The following SLC38A9 variants were observed in gnomAD, a reference collection of about 807,000 sequenced individuals.
The protein encoded by SLC38A9 is solute carrier family 38 member 9.
In SLC38A9, 48 loss-of-function variants were observed where a neutral mutation model predicts 62.3. The ratio of observed to expected loss-of-function variants is 0.77; its 90% CI spans 0.61 to 0.98. SLC38A9 has a LOEUF of 0.98. Ranked by LOEUF, SLC38A9 falls within the 50% of genes least tolerant of loss-of-function variation. The pLI is 0.00. For missense variants in SLC38A9, 541 were observed against 679.8 expected, an observed-to-expected ratio of 0.80 and a Z score of 2.27; for synonymous variants, 204 against 227.7, an observed-to-expected ratio of 0.90 and a Z score of 0.94.
chr5:55,669,287 A>G lies in SLC38A9; in HGVS notation c.467T>C (p.Leu156Pro). The stretch of plus-strand genomic sequence containing the variant: ...GCAATAAAGTGTTAAAAGGCCCATC[A>G]GTATGATGACACACATTCCAGTAGT... ...GFTTGMCVII[L>P]MGLLTLYCCY... The change falls in exon 7 of 16, where the codon CTG (leucine) becomes CCG (proline). Residue 156 changes from leucine to proline, a missense_variant. Physicochemically the swap from Leu to Pro is moderately conservative, Grantham distance 98. Coordinates refer to ENST00000396865, the MANE Select transcript of SLC38A9 (RefSeq NM_173514.4). The G allele has an allele frequency of 6.2e-7, 1 of 1,613,450 alleles. No individual in the cohort carries two copies. The highest frequency in any genetic ancestry group is 2.2e-5 in the East Asian group (1 of 44,774).
At chr5:55,634,030 A>C (rs756063103) in intron 13 of SLC38A9, 128 bp from the exon 14 acceptor site, 12 of 575,124 alleles carry the variant, frequency 2.1e-5, no homozygotes, top group Non-Finnish European at 3.5e-5. Context: ...ACTAGTGCCC[A>C]TCCACAACTA....
intron 3 of SLC38A9, chr5:55,675,104 T>C (rs1751894882): frequency 2.0e-5 from 3 of 152,232 alleles, no homozygotes; most frequent in African/African-American, 4.8e-5. Flanking sequence ...GAGATGTAGA[T>C]GTTCTACTGC....
chr5:55,640,374 A>G (rs1057298739), intron 12 of SLC38A9, among the ~76,000 whole-genome samples: 13 of 152,170 alleles, frequency 8.5e-5, no homozygotes, highest in African/African-American at 9.7e-5. Context: ...TGAACCTAAC[A>G]TAATAGTTCT....
Position 55,626,508 on chromosome 5 carries a change from GAACA to G in SLC38A9, c.1668_1671del (p.Val557SerfsTer19). 2 of 1,609,358 alleles carry G rather than the reference GAACA, an allele frequency of 1.2e-6. No individual in the cohort carries two copies. The highest frequency in any genetic ancestry group is 2.2e-5 in the East Asian group (1 of 44,794). On this transcript the variant is annotated frameshift_variant, in exon 16 of 16. Coordinates refer to ENST00000396865, the MANE Select transcript of SLC38A9 (RefSeq NM_173514.4). LOFTEE classifies it high-confidence loss of function. ...GTTGAGGTATTTCACATAAAAAACTGAACAATCAGGTTAGCCACGCCCAAAATGA... is the reference window on the plus strand; with the variant it reads ...GTTGAGGTATTTCACATAAAAAACTGATCAGGTTAGCCACGCCCAAAATGA...
At chr5:55,637,115 G>GAGTGGCCTTGTAAA (rs2150071610) in intron 12 of SLC38A9, among the ~76,000 whole-genome samples, 1 of 152,312 alleles carries the variant, frequency 6.6e-6, no homozygotes, top group South Asian at 2.1e-4. Context: ...CTCAAGAACA[G>GAGTGGCCTTGTAAA]AGGTAGCCTT....
At chr5:55,665,026 G>T in intron 7 of SLC38A9, 163 bp from the exon 8 acceptor site, 1 of 371,328 alleles carries the variant, frequency 2.7e-6, no homozygotes, top group Non-Finnish European at 4.8e-6. Context: ...AAACATTATA[G>T]AAAAATAAAA....
chr5:55,667,386 T>G (rs1377814327), intron 7 of SLC38A9, among the ~76,000 whole-genome samples: 1 of 152,232 alleles, frequency 6.6e-6, no homozygotes, highest in Non-Finnish European at 1.5e-5. Context: ...TATTTTTAAG[T>G]AGTGCTTTTC....
At chr5:55,682,698 C>T (rs1753199815) in intron 3 of SLC38A9, among the ~76,000 whole-genome samples, 1 of 152,096 alleles carries the variant, frequency 6.6e-6, no homozygotes, top group African/African-American at 2.4e-5. Flanking sequence ...CTGCTTGAGC[C>T]CAGGAGTTCA....
At chr5:55,655,182 C>T (rs911119262) in intron 9 of SLC38A9, among the ~76,000 whole-genome samples, 10 of 152,128 alleles carry the variant, frequency 6.6e-5, no homozygotes, top group East Asian at 5.8e-4. Context: ...GTTTCATACT[C>T]TCATTGTTTA....
chr5:55,648,622 C>A (rs986490787), intron 11 of SLC38A9, among the ~76,000 whole-genome samples: 17 of 151,952 alleles, frequency 1.1e-4, no homozygotes, highest in Non-Finnish European at 1.8e-4. Flanking sequence ...ATGAAAAAAA[C>A]AGACAGTTAA....
chr5:55,626,736 T>C, intron 15 of SLC38A9, 77 bp from the exon 16 acceptor site: 1 of 1,322,848 alleles, frequency 7.6e-7, no homozygotes. Flanking sequence ...ATAGTACAAT[T>C]TAAATCCTCC....
At chr5:55,662,651 A>G (rs1409529186) in intron 8 of SLC38A9, among the ~76,000 whole-genome samples, 1 of 149,698 alleles carries the variant, frequency 6.7e-6, no homozygotes, top group Non-Finnish European at 1.5e-5. Flanking sequence ...GCCTGGTGAC[A>G]GAGCAAGACT....
intron 2 of SLC38A9, among the ~76,000 whole-genome samples, chr5:55,706,812 C>T (rs921044652): frequency 6.6e-6 from 1 of 152,094 alleles, no homozygotes; most frequent in African/African-American, 2.4e-5. Flanking sequence ...TTTCCCCACA[C>T]AGAGCCAAGG....
rs545566731 is a variant in SLC38A9 at position 55,669,339 on chromosome 5, T to C, written c.433-18A>G. 61 of 1,581,596 alleles carry C rather than the reference T, an allele frequency of 3.9e-5. No homozygotes were observed. In the South Asian group the frequency reaches 6.8e-4, roughly 18 times the overall value. ...AATCCAGCCTGTTTAAAAATAAAAGTATAAAACAGCATATATCATCATGTA... is the reference window on the plus strand; with the variant it reads ...AATCCAGCCTGTTTAAAAATAAAAGCATAAAACAGCATATATCATCATGTA... On this transcript the variant is annotated intron_variant, in intron 6 of 15. Coordinates refer to ENST00000396865, the MANE Select transcript of SLC38A9 (RefSeq NM_173514.4).
In SLC38A9 at chr5:55,685,310, TC is replaced by T. The variant is rs531135042; in HGVS notation, c.113+12535del. 2.0e-5 allele frequency among the ~76,000 whole-genome samples: 3 copies of T among 152,340 alleles called. No homozygotes were observed. In the East Asian group the frequency reaches 5.8e-4, roughly 29 times the overall value. ...GGAAACCATTAATCTACTTTCTGTT[TC>T]TATGGCTTTACCGAATCTAGAAAGT... On this transcript the variant is annotated intron_variant, in intron 3 of 15. Coordinates refer to ENST00000396865, the MANE Select transcript of SLC38A9 (RefSeq NM_173514.4).
intron 3 of SLC38A9, among the ~76,000 whole-genome samples, chr5:55,675,642 A>C (rs1268649004): frequency 6.6e-6 from 1 of 152,222 alleles, no homozygotes. Context: ...GCTGTGCCAC[A>C]CTAAAAATAA....
chr5:55,687,789 C>T (rs1228871895), intron 3 of SLC38A9, among the ~76,000 whole-genome samples: 1 of 152,146 alleles, frequency 6.6e-6, no homozygotes, highest in African/African-American at 2.4e-5. Context: ...ACCTCCGCCT[C>T]TTGGGTTCAA....
intron 2 of SLC38A9, 49 bp downstream of exon 2, chr5:55,711,402 TG>T (rs1027843893): frequency 6.1e-4 from 93 of 152,336 alleles, no homozygotes; most frequent in African/African-American, 2.1e-3. Context: ...AGACACTGCC[TG>T]GGAGTCATGA....
At chr5:55,627,700 T>C (rs1021256806) in intron 15 of SLC38A9, among the ~76,000 whole-genome samples, 191 bp downstream of exon 15, 1 of 152,094 alleles carries the variant, frequency 6.6e-6, no homozygotes, top group Non-Finnish European at 1.5e-5. Flanking sequence ...GAGTGAGTTC[T>C]CCACCAGAAC....
Sources: allele counts gnomAD v4.1 joint callset (sites outside exome capture counted in the v4.1 genomes callset), GRCh38; gene constraint gnomAD v4.1.1; transcripts MANE v1.5; gene names NCBI Gene and HGNC (gene_info 2026-07-23, HGNC 2026-07-21).